The following SFMBT2 variants were observed in gnomAD, a reference collection of about 807,000 sequenced individuals.
SFMBT2 encodes the protein Scm like with four mbt domains 2.
In SFMBT2, 38 loss-of-function variants were observed where a neutral mutation model predicts 110.1. The ratio of observed to expected loss-of-function variants is 0.35; its 90% CI spans 0.27 to 0.45. SFMBT2 has a LOEUF of 0.45. Ranked by LOEUF, SFMBT2 falls within the 20% of genes least tolerant of loss-of-function variation. The pLI is 1.00. For missense variants in SFMBT2, 1,011 were observed against 1,094.9 expected (o/e 0.92, Z 1.08); for synonymous variants, 425 against 425.4 (o/e 1.00, Z 0.01).
At chr10:7,182,361 A>G (rs1838269109) in intron 16 of SFMBT2, among the ~76,000 whole-genome samples, 1 of 152,188 alleles carries the variant, frequency 6.6e-6, no homozygotes, top group Non-Finnish European at 1.5e-5. Flanking sequence ...TATTTTACCA[A>G]AAGTGAAAAG....
chr10:7,205,794 C>T (rs576435374), intron 12 of SFMBT2, 21 bp downstream of exon 12: 4 of 1,610,206 alleles, frequency 2.5e-6, no homozygotes, highest in Admixed American at 3.3e-5. Context: ...ATCCACCCCC[C>T]CTCAACTGGG....
At position 7,360,306 on chromosome 10, in the gene SFMBT2, G is replaced by A. The variant is rs1326759482; in HGVS notation, c.436+7343C>T. Among the ~76,000 whole-genome samples the A allele has an allele frequency of 2.0e-5, 3 of 151,990 alleles. No individual in the cohort carries two copies. In the East Asian group the frequency reaches 5.8e-4, roughly 29 times the overall value. On this transcript the variant is annotated intron_variant, in intron 4 of 20. Transcript: ENST00000397167. The stretch of plus-strand genomic sequence containing the variant: ...AACACAGGAAGACCCCCATCTCTAC[G>A]AAAATACAAAATTAGCTAGGCATGG...
chr10:7,222,669 ATCT>A (rs1403199594), intron 10 of SFMBT2, among the ~76,000 whole-genome samples: 2 of 149,374 alleles, frequency 1.3e-5, no homozygotes, highest in Non-Finnish European at 3.0e-5. Flanking sequence ...TTCAATCCCC[ATCT>A]TCTTTTTTTT....
chr10:7,172,683 A>C lies in SFMBT2; in HGVS notation c.1985-22T>G, dbSNP rs1837925165. On this transcript the variant is annotated intron_variant, in intron 17 of 20. Coordinates refer to ENST00000397167, the MANE Select transcript of SFMBT2 (RefSeq NM_001387889.1). This position sits in a 1 kb window ranked among gnomAD's most constrained non-coding sequence, Gnocchi z 4.6. ...TAGGCTGTAGGAAGGAAGATGAGAA[A>C]CTTTTGAAGGCTATACACACACACA... The C allele has an allele frequency of 6.2e-7, 1 of 1,605,082 alleles. No homozygotes were observed. The highest frequency in any genetic ancestry group is 8.5e-7 in the Non-Finnish European group (1 of 1,174,582).
chr10:7,167,138 A>G (rs1837716415), intron 20 of SFMBT2, among the ~76,000 whole-genome samples: 1 of 152,222 alleles, frequency 6.6e-6, no homozygotes, highest in Non-Finnish European at 1.5e-5. Context: ...GATCTAGAGA[A>G]GTAGAGAAAG....
chr10:7,382,637 C>T (rs748349061), intron 1 of SFMBT2, among the ~76,000 whole-genome samples: 1 of 151,868 alleles, frequency 6.6e-6, no homozygotes, highest in African/African-American at 2.4e-5. Context: ...GCAACCTCCA[C>T]CCCCCACACA....
chr10:7,365,403 A>T (rs904372596), intron 4 of SFMBT2, among the ~76,000 whole-genome samples: 1 of 152,210 alleles, frequency 6.6e-6, no homozygotes, highest in Non-Finnish European at 1.5e-5. Flanking sequence ...TACCTTCTTC[A>T]GTAAATCACT....
intron 16 of SFMBT2, among the ~76,000 whole-genome samples, chr10:7,185,514 A>T (rs1000695616): frequency 2.6e-5 from 4 of 152,256 alleles, no homozygotes; most frequent in Admixed American, 1.3e-4. Context: ...AAAAAAAAGA[A>T]ACCACAACAT....
intron 16 of SFMBT2, among the ~76,000 whole-genome samples, chr10:7,178,117 T>C (rs1279223565): frequency 6.6e-6 from 1 of 152,192 alleles, no homozygotes; most frequent in Non-Finnish European, 1.5e-5. Flanking sequence ...ACAAGGCTCA[T>C]TCCTCCGGTG....
At chr10:7,366,508 T>C (rs1844907127) in intron 4 of SFMBT2, among the ~76,000 whole-genome samples, 1 of 151,000 alleles carries the variant, frequency 6.6e-6, no homozygotes, top group Non-Finnish European at 1.5e-5. Flanking sequence ...ACAAACAGAA[T>C]GAACCTGGGG....
chr10:7,315,403 G>C (rs1489508058), intron 4 of SFMBT2, among the ~76,000 whole-genome samples: 2 of 152,198 alleles, frequency 1.3e-5, no homozygotes, highest in East Asian at 1.9e-4. Context: ...ACTGCCTTTG[G>C]GGGATGATGG....
chr10:7,265,405 T>C (rs1841354274), intron 7 of SFMBT2, among the ~76,000 whole-genome samples: 1 of 152,216 alleles, frequency 6.6e-6, no homozygotes, highest in African/African-American at 2.4e-5. Context: ...TTTCACCATG[T>C]TGCCCAGGCT....
chr10:7,399,377 C>T (rs562454768), intron 1 of SFMBT2, among the ~76,000 whole-genome samples: 8 of 152,248 alleles, frequency 5.3e-5, no homozygotes, highest in Admixed American at 2.0e-4. Flanking sequence ...GGATTACAGG[C>T]GCCCACCACT....
intron 5 of SFMBT2, chr10:7,284,522 C>G: frequency 1.7e-6 from 1 of 600,544 alleles, no homozygotes; most frequent in Non-Finnish European, 2.1e-6. Flanking sequence ...TGGTAGCAAA[C>G]GGTCTACTTT....
At chr10:7,298,542 G>A (rs12411681) in intron 4 of SFMBT2, among the ~76,000 whole-genome samples, 78,760 of 151,980 alleles carry the variant, frequency 0.52, 20,727 homozygotes, top group East Asian at 0.74. Context: ...TGGGATGGAC[G>A]CCCCAGGGAT....
chr10:7,332,529 T>A (rs1052055882), intron 4 of SFMBT2, among the ~76,000 whole-genome samples: 2 of 152,260 alleles, frequency 1.3e-5, no homozygotes, highest in Non-Finnish European at 2.9e-5. Context: ...TATTTGCGCT[T>A]GTAAAATAAC....
chr10:7,393,059 G>C (rs1845826202), intron 1 of SFMBT2, among the ~76,000 whole-genome samples: 1 of 132,658 alleles, frequency 7.5e-6, no homozygotes, highest in Non-Finnish European at 1.6e-5. Flanking sequence ...TGAGACAAGA[G>C]TCTTGCTCCG....
intron 4 of SFMBT2, among the ~76,000 whole-genome samples, chr10:7,361,135 C>G (rs1174102207): frequency 6.6e-6 from 1 of 152,088 alleles, no homozygotes; most frequent in Non-Finnish European, 1.5e-5. Flanking sequence ...TTCCCTCAAG[C>G]CTGGGTGCCC....
intron 11 of SFMBT2, among the ~76,000 whole-genome samples, chr10:7,215,020 C>CTAAA (rs1839486345): frequency 6.6e-6 from 1 of 152,208 alleles, no homozygotes; most frequent in Non-Finnish European, 1.5e-5. Context: ...AACTAAAAGG[C>CTAAA]TAAAATACTC....
Sources: allele counts gnomAD v4.1 joint callset (sites outside exome capture counted in the v4.1 genomes callset), GRCh38; gene constraint gnomAD v4.1.1; non-coding constraint Gnocchi (gnomAD v3.1); transcripts MANE v1.5; gene names NCBI Gene and HGNC (gene_info 2026-07-23, HGNC 2026-07-21).